The following CACNA2D3 variants were observed in gnomAD, a reference collection of about 807,000 sequenced individuals.
CACNA2D3 encodes the protein voltage-dependent calcium channel subunit alpha-2/delta-3.
Under a neutral mutation model 160.6 loss-of-function variants are expected in CACNA2D3, and 60 were observed. The ratio of observed to expected loss-of-function variants is 0.37; its 90% CI spans 0.30 to 0.46. The LOEUF is 0.46. Among genes scored for constraint, CACNA2D3 ranks in the 20% least tolerant of loss-of-function variants. The probability of loss-of-function intolerance (pLI) is 1.00; values close to 1 mark genes in which losing one functional copy is unlikely to be tolerated. For missense variants in CACNA2D3, 1,205 were observed against 1,365.0 expected, an observed-to-expected ratio of 0.88 and a Z score of 1.85; for synonymous variants, 558 against 492.9, an observed-to-expected ratio of 1.13 and a Z score of -1.75.
chr3:54,850,555 A>G (rs1043064116), intron 17 of CACNA2D3, among the ~76,000 whole-genome samples: 2 of 152,154 alleles, frequency 1.3e-5, no homozygotes, highest in African/African-American at 4.8e-5. Context: ...CTTTTGCCCA[A>G]CAGCGGATTG....
At chr3:55,014,299 C>G (rs1703278792) in intron 34 of CACNA2D3, among the ~76,000 whole-genome samples, 1 of 152,108 alleles carries the variant, frequency 6.6e-6, no homozygotes, top group Non-Finnish European at 1.5e-5. Context: ...CTGTGGGACC[C>G]ACGGCAGGCA....
intron 11 of CACNA2D3, among the ~76,000 whole-genome samples, chr3:54,718,951 T>A (rs1049459175): frequency 3.3e-5 from 5 of 151,934 alleles, no homozygotes; most frequent in African/African-American, 4.8e-5. Flanking sequence ...TTTAATTTTT[T>A]ATTTTCTAAT....
intron 8 of CACNA2D3, among the ~76,000 whole-genome samples, chr3:54,571,979 G>T (rs1449642351): frequency 6.6e-6 from 1 of 152,148 alleles, no homozygotes; most frequent in African/African-American, 2.4e-5. Flanking sequence ...AAAGAAGAGG[G>T]TGCTCCGAGA....
intron 11 of CACNA2D3, among the ~76,000 whole-genome samples, chr3:54,689,460 T>C (rs562882806): frequency 6.6e-6 from 1 of 152,260 alleles, no homozygotes; most frequent in South Asian, 2.1e-4. Context: ...AAGCTCAGAC[T>C]TGTGCATCAA....
chr3:54,281,433 C>T (rs747401261), intron 2 of CACNA2D3, among the ~76,000 whole-genome samples: 1 of 152,112 alleles, frequency 6.6e-6, no homozygotes, highest in Admixed American at 6.6e-5. Flanking sequence ...TGAACCCTCC[C>T]GGTGGCAGAG....
At chr3:54,561,819 A>G (rs1272838837) in intron 5 of CACNA2D3, among the ~76,000 whole-genome samples, 1 of 152,144 alleles carries the variant, frequency 6.6e-6, no homozygotes, top group Non-Finnish European at 1.5e-5. Context: ...CATACCTGAG[A>G]TTGGATAATT....
intron 4 of CACNA2D3, among the ~76,000 whole-genome samples, chr3:54,406,851 C>T (rs555008266): frequency 3.9e-5 from 6 of 151,924 alleles, no homozygotes; most frequent in South Asian, 2.1e-4. Context: ...TGGGTAACTA[C>T]GTGAGCTGAT....
intron 5 of CACNA2D3, among the ~76,000 whole-genome samples, chr3:54,507,083 G>A (rs978234296): frequency 6.6e-6 from 1 of 152,142 alleles, no homozygotes; most frequent in African/African-American, 2.4e-5. Flanking sequence ...GTCTGTTCAT[G>A]TGTGTTTGTA....
At chr3:54,429,649 A>G (rs548787768) in intron 4 of CACNA2D3, among the ~76,000 whole-genome samples, 88 of 152,270 alleles carry the variant, frequency 5.8e-4, no homozygotes, top group African/African-American at 2.1e-3. Flanking sequence ...TCTGTAGACA[A>G]CTGGACTGCG....
At chr3:54,704,612 G>A (rs374033621) in intron 11 of CACNA2D3, among the ~76,000 whole-genome samples, 5 of 152,080 alleles carry the variant, frequency 3.3e-5, no homozygotes, top group Admixed American at 6.5e-5. Context: ...TCACTCAGAC[G>A]TTGGTGATAG....
intron 17 of CACNA2D3, among the ~76,000 whole-genome samples, chr3:54,860,506 C>T (rs1191040765): frequency 3.3e-5 from 5 of 152,048 alleles, no homozygotes; most frequent in Non-Finnish European, 7.4e-5. Context: ...TTAATGAAGC[C>T]CATGTTTATC....
chr3:54,320,459 GA>G lies in CACNA2D3; in HGVS notation c.225del (p.Asp76ThrfsTer4). The G allele has an allele frequency of 6.5e-7, 1 of 1,547,592 alleles. No individual in the cohort carries two copies. Among genetic ancestry groups the G allele is most frequent in the Non-Finnish European group, 8.8e-7 (1 of 1,141,158 alleles). ...LLQKKYKEYE[K>X]DVAIEEIDGL... The stretch of plus-strand genomic sequence containing the variant: ...TCTTACAGAAATACAAAGAGTATGA[GA>G]AAGACGTTGCCATAGAAGAAATTGA... On this transcript the variant is annotated frameshift_variant, in exon 3 of 38. Coordinates refer to ENST00000474759, the MANE Select transcript of CACNA2D3 (RefSeq NM_018398.3). LOFTEE classifies it high-confidence loss of function.
intron 12 of CACNA2D3, among the ~76,000 whole-genome samples, chr3:54,762,365 G>T (rs1291446805): frequency 6.6e-6 from 1 of 151,998 alleles, no homozygotes; most frequent in Non-Finnish European, 1.5e-5. Context: ...AGTTCCTCTG[G>T]CTAACTGGTC....
chr3:54,684,046 C>T (rs116863569), intron 11 of CACNA2D3, among the ~76,000 whole-genome samples: 2,020 of 147,558 alleles, frequency 0.014, 115 homozygotes, highest in Admixed American at 0.1. Flanking sequence ...TCTCGGCTCA[C>T]TGCAACCTCT....
At chr3:54,954,619 G>C (rs1701836062) in intron 27 of CACNA2D3, among the ~76,000 whole-genome samples, 2 of 152,196 alleles carry the variant, frequency 1.3e-5, no homozygotes, top group Admixed American at 1.3e-4. Flanking sequence ...GAGGTAGGGT[G>C]TGGAGAAGAC....
At chr3:54,964,284 T>C (rs780239694) in intron 27 of CACNA2D3, among the ~76,000 whole-genome samples, 1 of 152,156 alleles carries the variant, frequency 6.6e-6, no homozygotes, top group African/African-American at 2.4e-5. Flanking sequence ...TGATGAAGAT[T>C]CCCAGCAGGG....
At chr3:54,837,038 G>C in intron 14 of CACNA2D3, 121 bp from the exon 15 acceptor site, 5 of 802,580 alleles carry the variant, frequency 6.2e-6, no homozygotes, top group Non-Finnish European at 1.1e-5. Flanking sequence ...AAAGGCTTGA[G>C]TGGGCACTGT....
At chr3:54,482,926 G>A (rs748399516) in intron 4 of CACNA2D3, among the ~76,000 whole-genome samples, 9 of 152,180 alleles carry the variant, frequency 5.9e-5, no homozygotes, top group Admixed American at 1.3e-4. Context: ...GGCCAAACCA[G>A]TCACATGCCC....
chr3:54,564,119 G>T (rs1220416924), intron 6 of CACNA2D3, among the ~76,000 whole-genome samples: 2 of 152,188 alleles, frequency 1.3e-5, no homozygotes, highest in African/African-American at 4.8e-5. Flanking sequence ...GAGCCTAGGG[G>T]AGAGGTTCCT....
Sources: gnomAD v4.1 joint callset for allele counts (sites outside exome capture counted in the v4.1 genomes callset) on GRCh38, gnomAD v4.1.1 for gene constraint, MANE v1.5 for transcripts, NCBI Gene and HGNC (gene_info 2026-07-23, HGNC 2026-07-21) for gene names.